The following PRKN variants were observed in gnomAD, a reference collection of about 807,000 sequenced individuals.
The protein encoded by PRKN is E3 ubiquitin-protein ligase parkin.
In PRKN, 56 loss-of-function variants were observed where a neutral mutation model predicts 59.5. The ratio of observed to expected loss-of-function variants is 0.94; its 90% CI spans 0.76 to 1.18. The LOEUF (loss-of-function observed/expected upper bound fraction) is 1.18, where lower values mean the gene tolerates loss of function less well. Ranked by LOEUF, PRKN falls within the 50% of genes most tolerant of loss-of-function variation. The pLI is 0.00. For missense variants in PRKN, 657 were observed against 596.4 expected, an observed-to-expected ratio of 1.10 and a Z score of -1.06; for synonymous variants, 250 against 222.1, an observed-to-expected ratio of 1.13 and a Z score of -1.12.
intron 4 of PRKN, among the ~76,000 whole-genome samples, chr6:162,130,423 T>C (rs150977140): frequency 1.1e-3 from 168 of 152,224 alleles, no homozygotes; most frequent in Non-Finnish European, 9.0e-4. Flanking sequence ...TAATTTTGCA[T>C]GCATTTCAAG....
intron 9 of PRKN, among the ~76,000 whole-genome samples, chr6:161,398,227 G>T (rs900794749): frequency 6.6e-6 from 1 of 152,128 alleles, no homozygotes; most frequent in Non-Finnish European, 1.5e-5. Context: ...GAGTCTAGGG[G>T]GAGAGGAGAG....
chr6:162,722,624 ATAAAG>A (rs1168668595), intron 1 of PRKN, among the ~76,000 whole-genome samples: 2 of 152,252 alleles, frequency 1.3e-5, no homozygotes, highest in Non-Finnish European at 2.9e-5. Flanking sequence ...AGCTAACAGA[ATAAAG>A]TATTTTGCAT....
Position 161,530,798 on chromosome 6 carries a change from G to A in PRKN, c.1083+18056C>T, listed in dbSNP as rs528953146. 1.4e-4 allele frequency among the ~76,000 whole-genome samples: 21 copies of A among 152,054 alleles called. No homozygotes were observed. The highest frequency in any genetic ancestry group is 1.8e-4 in the Non-Finnish European group (12 of 67,990). ...CTCCCAAAGTGCTGGGATTACAGGC[G>A]TGAGCCACCACACCTGGCCCAAGGC... On this transcript the variant is annotated intron_variant, in intron 9 of 11. Transcript: ENST00000366898. The surrounding 1 kb of genome is among the most constrained non-coding windows in gnomAD (Gnocchi z 5.0).
At chr6:162,689,121 A>C (rs887579069) in intron 1 of PRKN, among the ~76,000 whole-genome samples, 1 of 152,252 alleles carries the variant, frequency 6.6e-6, no homozygotes, top group East Asian at 1.9e-4. Context: ...TGTCAAGATC[A>C]GGTGAACAGA....
chr6:161,481,660 GA>G (rs1226601433), intron 9 of PRKN, among the ~76,000 whole-genome samples: 1 of 151,990 alleles, frequency 6.6e-6, no homozygotes, highest in African/African-American at 2.4e-5. Flanking sequence ...AGGAAAAAAA[GA>G]ACCTTTGCCG....
intron 7 of PRKN, among the ~76,000 whole-genome samples, chr6:161,615,016 A>C (rs555567923): frequency 3.3e-5 from 5 of 152,192 alleles, no homozygotes; most frequent in African/African-American, 1.2e-4. Flanking sequence ...GAAACTGTAT[A>C]TTTCTATGAG....
intron 2 of PRKN, among the ~76,000 whole-genome samples, chr6:162,349,356 C>A (rs1396832645): frequency 1.3e-5 from 2 of 152,044 alleles, no homozygotes. Flanking sequence ...ATCCCAGCTA[C>A]ATGAGGGGGC....
intron 1 of PRKN, among the ~76,000 whole-genome samples, chr6:162,723,597 G>A (rs1249308661): frequency 6.6e-6 from 1 of 152,220 alleles, no homozygotes; most frequent in Non-Finnish European, 1.5e-5. Context: ...TGTTGTATTA[G>A]TGGAGGCTTT....
At position 162,149,407 on chromosome 6, in the gene PRKN, G is replaced by A. The variant is rs141286413; in HGVS notation, c.534+51724C>T. Among the ~76,000 whole-genome samples, 479 of 152,126 alleles carry A rather than the reference G, an allele frequency of 3.1e-3. 3 individuals are homozygous for A. Among genetic ancestry groups the A allele is most frequent in the Middle Eastern group, 0.014 (4 of 294 alleles). ...CTACAGGTGTGCACTACCACACCCA[G>A]TTAAGTTTTGCATTTTTAGTAGAGA... On this transcript the variant is annotated intron_variant, in intron 4 of 11. Coordinates refer to ENST00000366898, the MANE Select transcript of PRKN (RefSeq NM_004562.3).
intron 2 of PRKN, among the ~76,000 whole-genome samples, chr6:162,404,812 A>G (rs1333411308): frequency 6.6e-6 from 1 of 152,192 alleles, no homozygotes; most frequent in African/African-American, 2.4e-5. Flanking sequence ...TCGGCCTCCC[A>G]AAGTGCTGGG....
rs895859707 is a variant in PRKN, at chr6:161,440,747, G to T, written c.1084-53870C>A. On this transcript the variant is annotated intron_variant, in intron 9 of 11. Transcript: ENST00000366898. This position sits in a 1 kb window ranked among gnomAD's most constrained non-coding sequence, Gnocchi z 4.1. ...GAGATATTTCCAATGCCACCTGAAG[G>T]TCCTGAGAGCTCCCTGACATCATTC... 2.0e-5 allele frequency among the ~76,000 whole-genome samples: 3 copies of T among 152,152 alleles called. No homozygotes were observed. The highest frequency in any genetic ancestry group is 7.2e-5 in the African/African-American group (3 of 41,442).
rs116182551 is a variant in PRKN at position 161,664,613 on chromosome 6, T to A, written c.872-95197A>T. 4.0e-3 allele frequency among the ~76,000 whole-genome samples: 604 copies of A among 152,294 alleles called. 5 individuals carry two copies. The highest frequency in any genetic ancestry group is 0.014 in the African/African-American group (571 of 41,568). On this transcript the variant is annotated intron_variant, in intron 7 of 11. Coordinates refer to ENST00000366898, the MANE Select transcript of PRKN (RefSeq NM_004562.3). ...AAAGTTATTCATGACAGCTTATATA[T>A]GTCAAAGCCTATATGCTGGCTTGTC...
intron 1 of PRKN, among the ~76,000 whole-genome samples, chr6:162,474,501 G>A (rs1475554082): frequency 6.6e-6 from 1 of 151,924 alleles, no homozygotes; most frequent in East Asian, 1.9e-4. Context: ...ATAAATTTAT[G>A]GTTTCCCAGG....
chr6:161,627,657 C>T lies in PRKN; in HGVS notation c.872-58241G>A, dbSNP rs147565026. 3.1e-3 allele frequency among the ~76,000 whole-genome samples: 465 copies of T among 152,318 alleles called. 2 individuals carry two copies. Among genetic ancestry groups the T allele is most frequent in the Non-Finnish European group, 4.8e-3 (325 of 68,022 alleles). On this transcript the variant is annotated intron_variant, in intron 7 of 11. Coordinates refer to ENST00000366898, the MANE Select transcript of PRKN (RefSeq NM_004562.3). Reference sequence around the variant, plus strand: ...GGGGAGAATGAGTGGTGTTTCATGTCTTTAGCTGTTGATATGTTTGATCCC... The same window carrying T: ...GGGGAGAATGAGTGGTGTTTCATGTTTTTAGCTGTTGATATGTTTGATCCC...
chr6:161,873,111 C>T (rs1333169070), intron 6 of PRKN, among the ~76,000 whole-genome samples: 1 of 151,726 alleles, frequency 6.6e-6, no homozygotes, highest in Non-Finnish European at 1.5e-5. Flanking sequence ...GAAATAAAGG[C>T]CCGTTCTCAA....
chr6:162,403,613 T>C (rs1787912129), intron 2 of PRKN, among the ~76,000 whole-genome samples: 1 of 152,144 alleles, frequency 6.6e-6, no homozygotes, highest in South Asian at 2.1e-4. Context: ...AAACACAGCC[T>C]GACACAGGTG....
intron 7 of PRKN, among the ~76,000 whole-genome samples, chr6:161,615,931 T>A (rs755217482): frequency 1.3e-5 from 2 of 152,196 alleles, no homozygotes; most frequent in Non-Finnish European, 2.9e-5. Flanking sequence ...CGGGTAAGCA[T>A]CTGTAGTTGG....
chr6:162,439,583 C>T (rs190832861), intron 2 of PRKN, among the ~76,000 whole-genome samples: 9 of 152,168 alleles, frequency 5.9e-5, no homozygotes, highest in Admixed American at 2.6e-4. Context: ...GCTTGTACAG[C>T]GGACCCTTGA....
intron 2 of PRKN, among the ~76,000 whole-genome samples, chr6:162,363,127 C>CA (rs1471437759): frequency 2.8e-4 from 11 of 38,834 alleles, no homozygotes; most frequent in Non-Finnish European, 3.6e-4. Flanking sequence ...GACTCCTTCT[C>CA]AAACAAAAAA....
Sources: allele counts gnomAD v4.1 joint callset (sites outside exome capture counted in the v4.1 genomes callset), GRCh38; gene constraint gnomAD v4.1.1; non-coding constraint Gnocchi (gnomAD v3.1); transcripts MANE v1.5; gene names NCBI Gene and HGNC (gene_info 2026-07-23, HGNC 2026-07-21).